The following TMEM131 variants were observed in gnomAD, a reference collection of about 807,000 sequenced individuals.
TMEM131 encodes 2610524E03Rik.
In TMEM131, 66 loss-of-function variants were observed where a neutral mutation model predicts 211.6. The observed-to-expected ratio is 0.31, with a 90% CI of 0.26 to 0.38. The LOEUF is 0.38. Among genes scored for constraint, TMEM131 ranks in the 10% least tolerant of loss-of-function variants. The pLI, the probability that TMEM131 is intolerant of heterozygous loss-of-function variation, is 1.00. For missense variants in TMEM131, 2,036 were observed against 2,299.3 expected (o/e 0.89, Z 2.34); for synonymous variants, 844 against 841.3 (o/e 1.00, Z -0.06).
intron 5 of TMEM131, among the ~76,000 whole-genome samples, chr2:97,849,352 C>T (rs959580075): frequency 1.7e-4 from 26 of 152,052 alleles, no homozygotes; most frequent in Non-Finnish European, 3.7e-4. Flanking sequence ...ACAGTGACAC[C>T]GCCAGCCAAT....
At chr2:97,878,578 T>A (rs1674790899) in intron 4 of TMEM131, among the ~76,000 whole-genome samples, 1 of 152,168 alleles carries the variant, frequency 6.6e-6, no homozygotes, top group Non-Finnish European at 1.5e-5. Flanking sequence ...ATCATCATTC[T>A]CAGCAAACTA....
chr2:97,863,795 A>ACTC (rs1674160144), intron 4 of TMEM131, among the ~76,000 whole-genome samples: 1 of 152,216 alleles, frequency 6.6e-6, no homozygotes, highest in Non-Finnish European at 1.5e-5. Context: ...ATTAGTACAA[A>ACTC]CACTAGGAAC....
chr2:97,814,335 G>C lies in TMEM131; in HGVS notation c.1346C>G (p.Ala449Gly). 7 of 1,613,728 alleles carry C rather than the reference G, an allele frequency of 4.3e-6. No individual in the cohort carries two copies. The highest frequency in any genetic ancestry group is 5.9e-6 in the Non-Finnish European group (7 of 1,179,834). ...ATLFHIRDSPADPVERPIYLT... is the reference protein window; with the variant it reads ...ATLFHIRDSPGDPVERPIYLT... ...GTAAATTGGCCTTTCCACAGGATCA[G>C]CAGGGCTGTCTCGGATGTGAAATAA... is the stretch of plus-strand genomic sequence containing the variant. The change falls in exon 14 of 41, where the codon GCT becomes GGT. Residue 449 changes from alanine to glycine, a missense_variant. Physicochemically the swap from Ala to Gly is moderately conservative, Grantham distance 60. This residue lies in a region of TMEM131 where 1,623 missense variants were observed against 1,805.9 expected (regional missense o/e 0.90). Transcript: ENST00000186436.
chr2:97,921,161 CAAAT>C (rs894661055), intron 2 of TMEM131, among the ~76,000 whole-genome samples: 2 of 152,050 alleles, frequency 1.3e-5, no homozygotes, highest in African/African-American at 2.4e-5. Flanking sequence ...TTAGGATAGA[CAAAT>C]AAGCCAAAGA....
intron 1 of TMEM131, among the ~76,000 whole-genome samples, chr2:97,945,116 G>A (rs10432628): frequency 0.018 from 2,682 of 152,242 alleles, 114 homozygotes; most frequent in East Asian, 0.15. Flanking sequence ...TCCATTTAAT[G>A]GAGTATTTTT....
At chr2:97,929,492 TGTACCTGGCTG>T (rs1677129363) in intron 1 of TMEM131, among the ~76,000 whole-genome samples, 1 of 151,788 alleles carries the variant, frequency 6.6e-6, no homozygotes, top group Non-Finnish European at 1.5e-5. Flanking sequence ...GTCCCACATA[TGTACCTGGCTG>T]TTCCGGTATG....
intron 38 of TMEM131, 86 bp from the exon 39 acceptor site, chr2:97,759,835 G>A: frequency 2.2e-6 from 2 of 913,732 alleles, no homozygotes; most frequent in Admixed American, 2.0e-5. Context: ...TTCACAAACA[G>A]GAGACACTGC....
At position 97,757,201 on chromosome 2, in the gene TMEM131, G is replaced by C. The variant is rs757559985; in HGVS notation, c.5550C>G (p.Asp1850Glu). ...ACGGGTTGTAGGTCTGTCCCAAGTC[G>C]TCAGCTGGACTGGAGGTGGAGGGAG... ...PHAPSTSSPA[D>E]DLGQTYNPWR... Residue 1850 changes from aspartate (D) to glutamate (E), a missense_variant, in exon 41 of 41, where the codon GAC becomes GAG. By Grantham distance (45) the Asp-to-Glu change is conservative (BLOSUM62 2). Coordinates refer to ENST00000186436, the MANE Select transcript of TMEM131 (RefSeq NM_015348.2). The C allele has an allele frequency of 1.2e-6, 2 of 1,613,994 alleles. No homozygotes were observed. The highest frequency in any genetic ancestry group is 3.3e-5 in the Admixed American group (2 of 60,018).
intron 2 of TMEM131, among the ~76,000 whole-genome samples, chr2:97,919,393 T>C (rs904440002): frequency 6.6e-6 from 1 of 152,218 alleles, no homozygotes; most frequent in African/African-American, 2.4e-5. Flanking sequence ...CTTTCATTTG[T>C]AAAGGATATT....
chr2:97,886,402 G>C (rs1559424779), intron 4 of TMEM131, among the ~76,000 whole-genome samples: 1 of 152,054 alleles, frequency 6.6e-6, no homozygotes, highest in Non-Finnish European at 1.5e-5. Flanking sequence ...CAATTTTATG[G>C]AGTACATTTC....
intron 3 of TMEM131, among the ~76,000 whole-genome samples, chr2:97,888,729 C>T (rs1438911704): frequency 6.6e-6 from 1 of 152,162 alleles, no homozygotes; most frequent in East Asian, 1.9e-4. Flanking sequence ...AAACCTCAGA[C>T]AACATCAGGG....
At chr2:97,904,025 G>C (rs1181548612) in intron 3 of TMEM131, among the ~76,000 whole-genome samples, 2 of 152,106 alleles carry the variant, frequency 1.3e-5, no homozygotes, top group African/African-American at 4.8e-5. Flanking sequence ...AGTTCTAAGA[G>C]AGTAAGAAAG....
At chr2:97,859,139 A>G (rs1331071213) in intron 5 of TMEM131, among the ~76,000 whole-genome samples, 165 bp downstream of exon 5, 1 of 152,236 alleles carries the variant, frequency 6.6e-6, no homozygotes, top group Admixed American at 6.5e-5. Context: ...GAGAAAAACA[A>G]TATGGTTAAG....
At chr2:97,845,859 TC>T (rs1683404303) in intron 5 of TMEM131, among the ~76,000 whole-genome samples, 1 of 148,998 alleles carries the variant, frequency 6.7e-6, no homozygotes, top group South Asian at 2.1e-4. Context: ...AAGGGAGAAG[TC>T]AAAAATATAA....
intron 31 of TMEM131, among the ~76,000 whole-genome samples, chr2:97,787,779 T>C (rs1198395802): frequency 6.6e-6 from 1 of 152,204 alleles, no homozygotes; most frequent in Non-Finnish European, 1.5e-5. Context: ...ACCCAGAGTG[T>C]TGCATAAGGA....
At chr2:97,928,876 T>C (rs1677100367) in intron 1 of TMEM131, among the ~76,000 whole-genome samples, 2 of 151,784 alleles carry the variant, frequency 1.3e-5, no homozygotes, top group African/African-American at 4.9e-5. Context: ...GTCAGTGATA[T>C]CAGTAAGAAT....
intron 11 of TMEM131, among the ~76,000 whole-genome samples, chr2:97,820,485 T>C (rs1384617652): frequency 6.6e-6 from 1 of 152,184 alleles, no homozygotes; most frequent in Non-Finnish European, 1.5e-5. Context: ...CATCACTTTA[T>C]GCAATAAAAG....
At chr2:97,796,136 C>A in intron 28 of TMEM131, 82 bp downstream of exon 28, 5 of 805,336 alleles carry the variant, frequency 6.2e-6, no homozygotes, top group South Asian at 4.4e-5. Context: ...GGATAAAGAC[C>A]TTTGGTAAAT....
intron 1 of TMEM131, among the ~76,000 whole-genome samples, chr2:97,946,559 TA>T (rs1302528531): frequency 2.0e-5 from 3 of 151,970 alleles, no homozygotes; most frequent in Non-Finnish European, 4.4e-5. Context: ...CTAACTTGAA[TA>T]GGCTTATATG....
Sources: allele counts gnomAD v4.1 joint callset (sites outside exome capture counted in the v4.1 genomes callset), GRCh38; gene constraint gnomAD v4.1.1; regional missense constraint gnomAD v4.1.1; transcripts MANE v1.5; gene names NCBI Gene and HGNC (gene_info 2026-07-23, HGNC 2026-07-21).